The following MCM4 variants were observed in gnomAD, a reference collection of about 807,000 sequenced individuals.
MCM4 encodes the protein minichromosome maintenance complex component 4, also known as DNA replication licensing factor MCM4.
Under a neutral mutation model 88.7 loss-of-function variants are expected in MCM4, and 60 were observed. The ratio of observed to expected loss-of-function variants is 0.68; its 90% CI spans 0.55 to 0.84. The LOEUF is 0.84. Ranked by LOEUF, MCM4 falls within the 40% of genes least tolerant of loss-of-function variation. The pLI is 0.00. For missense variants in MCM4, 1,149 were observed against 1,105.5 expected (o/e 1.04, Z -0.56); for synonymous variants, 465 against 410.5 (o/e 1.13, Z -1.61).
At position 47,970,499 on chromosome 8, in the gene MCM4, C is replaced by A; in HGVS notation, c.1435-12C>A. 6.3e-7 allele frequency: 1 copy of A among 1,586,422 alleles called. No individual in the cohort carries two copies. Among genetic ancestry groups the A allele is most frequent in the South Asian group, 1.1e-5 (1 of 87,400 alleles). ...AGAAAATGAATGTTTAGACATGTCT[C>A]TGATTATTTAGGGAATTTTGCTTCA... On this transcript the variant is annotated splice_polypyrimidine_tract_variant and intron_variant, in intron 11 of 16. Coordinates refer to ENST00000649973, the MANE Select transcript of MCM4 (RefSeq NM_182746.3).
At chr8:47,961,258 C>G (rs765229112) in intron 2 of MCM4, 44 bp downstream of exon 2, 3 of 1,439,770 alleles carry the variant, frequency 2.1e-6, no homozygotes, top group Non-Finnish European at 2.7e-6. Context: ...CGGCGCCGCC[C>G]CGTCTGCCCT....
rs1589829089 is a variant in MCM4, at chr8:47,964,688, A to G, written c.808A>G (p.Asn270Asp). ...ACCATTCAACGCATTGAAGACTAAG[A>G]ATATGAGAAACCTGAATCCAGAAGG... ...VRPFNALKTK[N>D]MRNLNPEDID... The change falls in exon 8 of 17, where the codon AAT (asparagine) becomes GAT (aspartate). Residue 270 changes from asparagine (N) to aspartate (D), a missense_variant. Around this residue, in one of 3 missense-constraint regions of MCM4, gnomAD observed 906 missense variants for 843.0 expected, o/e 1.07. Coordinates refer to ENST00000649973, the MANE Select transcript of MCM4 (RefSeq NM_182746.3). 6.4e-7 allele frequency: 1 copy of G among 1,573,078 alleles called. No individual in the cohort carries two copies. Among genetic ancestry groups the G allele is most frequent in the South Asian group, 1.2e-5 (1 of 83,468 alleles).
At position 47,960,992 on chromosome 8, in the gene MCM4, C is replaced by G; in HGVS notation, c.-37C>G. 1 of 749,940 alleles carries G rather than the reference C, an allele frequency of 1.3e-6. No individual in the cohort carries two copies. Among genetic ancestry groups the G allele is most frequent in the Non-Finnish European group, 2.0e-6 (1 of 509,298 alleles). 46.5% of individuals were successfully genotyped at this position (749,940 alleles called of 1,614,324 possible). On this transcript the variant is annotated 5_prime_UTR_variant, in exon 1 of 17. Transcript: ENST00000649973. ...TGGACTCGGAGTCCGCGAGCGTCGT[C>G]GGCAAGCGGCCGCCTTTCCACGGTA...
chr8:47,962,039 T>C lies in MCM4; in HGVS notation c.236-14T>C. On this transcript the variant is annotated splice_polypyrimidine_tract_variant and intron_variant, in intron 3 of 16. Transcript: ENST00000649973. ...TTGATATGCCACCAGAATTTCCTAA[T>C]TTTGTTTTTATAGCTATCCCTCTTG... 1 of 1,613,460 alleles carries C rather than the reference T, an allele frequency of 6.2e-7. No individual in the cohort carries two copies. Among genetic ancestry groups the C allele is most frequent in the South Asian group, 1.1e-5 (1 of 91,036 alleles).
At position 47,961,153 on chromosome 8, in the gene MCM4, C is replaced by T; in HGVS notation, c.9C>T (p.Ser3=). MS[S]PASTPSRRGS... Reference sequence around the variant, plus strand: ...CAGGTACTCCGAGCACTATGTCGTCCCCGGCGTCGACCCCGAGCCGCCGCG... The same window carrying T: ...CAGGTACTCCGAGCACTATGTCGTCTCCGGCGTCGACCCCGAGCCGCCGCG... Residue 3 remains serine (S), a synonymous_variant, in exon 2 of 17, where the codon TCC becomes TCT. Transcript: ENST00000649973. The T allele has an allele frequency of 1.9e-6, 3 of 1,553,176 alleles. No homozygotes were observed. Among genetic ancestry groups the T allele is most frequent in the Non-Finnish European group, 1.7e-6 (2 of 1,159,680 alleles).
chr8:47,960,941 G>A lies in MCM4; in HGVS notation c.-88G>A. 1.9e-6 allele frequency: 1 copy of A among 520,750 alleles called. No individual in the cohort carries two copies. Among genetic ancestry groups the A allele is most frequent in the Non-Finnish European group, 3.3e-6 (1 of 307,642 alleles). The allele number at this position is 520,750 out of a possible 1,614,324, so 32.3% of individuals were successfully genotyped here. On this transcript the variant is annotated 5_prime_UTR_variant, in exon 1 of 17. Coordinates refer to ENST00000649973, the MANE Select transcript of MCM4 (RefSeq NM_182746.3). ...GCCGCCGGCGGGAACTCTGGGTCTC[G>A]CGGTTTGGGAGCGCTACTCGCCAGG...
At position 47,962,862 on chromosome 8, in the gene MCM4, A is replaced by G; in HGVS notation, c.597+3A>G. On this transcript the variant is annotated splice_donor_region_variant and intron_variant, in intron 6 of 16. Transcript: ENST00000649973. The stretch of plus-strand genomic sequence containing the variant: ...TATACATGCAACGACTTGGGGAGGT[A>G]ATCAAATACTCTTTAAATTCAAGTT... 1 of 1,591,288 alleles carries G rather than the reference A, an allele frequency of 6.3e-7. No homozygotes were observed.
intron 11 of MCM4, among the ~76,000 whole-genome samples, chr8:47,970,301 A>G (rs1234200332): frequency 6.6e-6 from 1 of 152,242 alleles, no homozygotes; most frequent in African/African-American, 2.4e-5. Flanking sequence ...AGGGACTTGC[A>G]TGGCCACCAT....
chr8:47,961,776 CT>C (rs2090840667), intron 3 of MCM4, 96 bp downstream of exon 3: 1 of 1,410,758 alleles, frequency 7.1e-7, no homozygotes, highest in African/African-American at 1.4e-5. Flanking sequence ...GGCATAACGC[CT>C]AAAGCATCCC....
chr8:47,966,112 C>T (rs1357095710), intron 8 of MCM4, 75 bp from the exon 9 acceptor site: 7 of 1,257,180 alleles, frequency 5.6e-6, no homozygotes, highest in African/African-American at 2.9e-5. Flanking sequence ...CACCTAGCTC[C>T]TGTCTGTGAT....
intron 8 of MCM4, 140 bp from the exon 9 acceptor site, chr8:47,966,047 G>GA (rs2090895154): frequency 3.0e-6 from 2 of 665,706 alleles, no homozygotes. Context: ...GTCTCCTGAA[G>GA]ACATAGCCTG....
At chr8:47,973,638 A>G (rs1269161874) in intron 14 of MCM4, 2 of 152,832 alleles carry the variant, frequency 1.3e-5, no homozygotes, top group South Asian at 2.1e-4. Context: ...GATTACAGGC[A>G]CCCACCACCA....
chr8:47,963,440 G>T (rs949386564), intron 7 of MCM4, among the ~76,000 whole-genome samples: 1 of 152,032 alleles, frequency 6.6e-6, no homozygotes, highest in Admixed American at 6.6e-5. Flanking sequence ...GCAACAGTGA[G>T]ATTCCATCTC....
Position 47,962,799 on chromosome 8 carries a change from A to G in MCM4, c.537A>G (p.Lys179=). The part of the protein sequence containing the change: ...FLQRFIDPLA[K]EEENVGIDIT... ...AGCGTTTTATTGACCCTCTGGCTAAAGAAGAAGAAAATGTTGGCATAGATA... is the reference window on the plus strand; with the variant it reads ...AGCGTTTTATTGACCCTCTGGCTAAGGAAGAAGAAAATGTTGGCATAGATA... The change falls in exon 6 of 17, where the codon AAA becomes AAG. Residue 179 remains lysine (K), a synonymous_variant. Transcript: ENST00000649973. The G allele has an allele frequency of 6.2e-7, 1 of 1,610,140 alleles. No individual in the cohort carries two copies. Among genetic ancestry groups the G allele is most frequent in the Non-Finnish European group, 8.5e-7 (1 of 1,178,948 alleles).
chr8:47,962,556 G>A (rs2090854400), intron 5 of MCM4, 150 bp downstream of exon 5: 2 of 824,788 alleles, frequency 2.4e-6, no homozygotes, highest in Non-Finnish European at 3.8e-6. Context: ...GGCCAAGGTG[G>A]GAGGATCACT....
In MCM4 at chr8:47,966,291, A is replaced by G. The variant is rs765483550; in HGVS notation, c.937A>G (p.Thr313Ala). The change falls in exon 9 of 17, where the codon ACC (threonine) becomes GCC (alanine). Residue 313 changes from threonine to alanine, a missense_variant. Physicochemically the swap from Thr to Ala is moderately conservative, Grantham distance 58 (BLOSUM62 0). Transcript: ENST00000649973. ...FFQCQVCAHT[T>A]RVEMDRGRIA... Reference sequence around the variant, plus strand: ...CCAGTGCCAAGTGTGTGCCCACACGACCCGGGTGGAGATGGACCGCGGCCG... The same window carrying G: ...CCAGTGCCAAGTGTGTGCCCACACGGCCCGGGTGGAGATGGACCGCGGCCG... 1.4e-5 allele frequency: 22 copies of G among 1,613,784 alleles called. No individual in the cohort carries two copies. The African/African-American group carries it at 2.4e-4, about 18-fold the overall frequency.
In MCM4 at chr8:47,972,962, G is replaced by A. The variant is rs2090968819; in HGVS notation, c.2034G>A (p.Glu678=). The change falls in exon 14 of 17, where the codon GAG becomes GAA. Residue 678 remains glutamate, a synonymous_variant. Transcript: ENST00000649973. ...ALYYQSEEQA[E]EELLDMAVLK... is the part of the protein sequence containing the mutation. ...ACTACCAGAGCGAGGAGCAGGCAGA[G>A]GAGGAGCTCCTGGACATGGCGGTGC... 1.2e-6 allele frequency: 2 copies of A among 1,614,100 alleles called. No homozygotes were observed. Among genetic ancestry groups the A allele is most frequent in the African/African-American group, 1.3e-5 (1 of 74,948 alleles).
chr8:47,968,409 C>G (rs1016773985), intron 10 of MCM4, among the ~76,000 whole-genome samples: 5 of 152,146 alleles, frequency 3.3e-5, no homozygotes, highest in African/African-American at 9.7e-5. Context: ...GAGTGACGTG[C>G]GCATTTCCAG....
At chr8:47,961,984 A>G in intron 3 of MCM4, 69 bp from the exon 4 acceptor site, 1 of 1,433,306 alleles carries the variant, frequency 7.0e-7, no homozygotes, top group Non-Finnish European at 9.8e-7. Flanking sequence ...GATGGTATAG[A>G]TCAACAGACA....
Sources: allele counts gnomAD v4.1 joint callset (sites outside exome capture counted in the v4.1 genomes callset), GRCh38; gene constraint gnomAD v4.1.1; regional missense constraint gnomAD v4.1.1; transcripts MANE v1.5; gene names NCBI Gene and HGNC (gene_info 2026-07-23, HGNC 2026-07-21).